The following DAPK2 variants were observed in gnomAD, a reference collection of about 807,000 sequenced individuals.
DAPK2 encodes the protein death associated protein kinase 2, also known as death-associated protein kinase 2.
In DAPK2, 35 loss-of-function variants were observed where a neutral mutation model predicts 44.1. The observed-to-expected ratio is 0.79, with a 90% CI of 0.61 to 1.05. The LOEUF (loss-of-function observed/expected upper bound fraction) is 1.05, where lower values mean the gene tolerates loss of function less well. Among genes scored for constraint, DAPK2 ranks in the 50% least tolerant of loss-of-function variants. The pLI is 0.00. For missense variants in DAPK2, 453 were observed against 483.2 expected (o/e 0.94, Z 0.59); for synonymous variants, 174 against 182.6 (o/e 0.95, Z 0.38).
chr15:63,975,455 A>G (rs1454798496), intron 2 of DAPK2, among the ~76,000 whole-genome samples: 1 of 152,076 alleles, frequency 6.6e-6, no homozygotes, highest in East Asian at 1.9e-4. Context: ...ACATTTTTCT[A>G]TTTCACACTT....
At chr15:63,992,776 C>T (rs1324388919) in intron 1 of DAPK2, among the ~76,000 whole-genome samples, 1 of 152,212 alleles carries the variant, frequency 6.6e-6, no homozygotes, top group Non-Finnish European at 1.5e-5. Flanking sequence ...TCAGTTGGGT[C>T]AGGCACCCTT....
At chr15:63,974,815 C>A (rs1232008744) in intron 2 of DAPK2, among the ~76,000 whole-genome samples, 1 of 152,142 alleles carries the variant, frequency 6.6e-6, no homozygotes, top group African/African-American at 2.4e-5. Flanking sequence ...TAAAATACTT[C>A]TATTTCTTTC....
intron 1 of DAPK2, chr15:63,991,233 C>A (rs1475250021): frequency 6.6e-6 from 3 of 456,114 alleles, no homozygotes; most frequent in Non-Finnish European, 1.3e-5. Flanking sequence ...TTTACCAAAG[C>A]CAGGTGGGCA....
chr15:64,024,789 A>C (rs1272229702), intron 1 of DAPK2, among the ~76,000 whole-genome samples: 2 of 152,202 alleles, frequency 1.3e-5, no homozygotes, highest in Non-Finnish European at 1.5e-5. Flanking sequence ...CTGAGCAGTC[A>C]AGTTCAACTA....
intron 1 of DAPK2, among the ~76,000 whole-genome samples, chr15:64,034,838 GA>G (rs2141172200): frequency 6.6e-6 from 1 of 152,300 alleles, no homozygotes; most frequent in East Asian, 1.9e-4. Flanking sequence ...CAGCTCAACA[GA>G]AACATCTTAT....
At chr15:63,942,029 C>A (rs570138580) in intron 3 of DAPK2, among the ~76,000 whole-genome samples, 1 of 152,212 alleles carries the variant, frequency 6.6e-6, no homozygotes, top group Non-Finnish European at 1.5e-5. Flanking sequence ...AGGGCCATGG[C>A]CCAGCCCTCC....
At chr15:63,925,873 A>T in intron 7 of DAPK2, 68 bp downstream of exon 8, 2 of 1,590,614 alleles carry the variant, frequency 1.3e-6, no homozygotes, top group Non-Finnish European at 1.7e-6. Flanking sequence ...ACATACTGAC[A>T]GGTCTTTGAC....
At chr15:63,993,863 G>C (rs1438634537) in intron 1 of DAPK2, among the ~76,000 whole-genome samples, 1 of 151,998 alleles carries the variant, frequency 6.6e-6, no homozygotes, top group African/African-American at 2.4e-5. Context: ...TGTATCACAG[G>C]TATCATATGT....
intron 1 of DAPK2, among the ~76,000 whole-genome samples, chr15:63,984,550 G>C (rs957144135): frequency 2.6e-5 from 4 of 152,142 alleles, no homozygotes; most frequent in African/African-American, 9.7e-5. Flanking sequence ...CCAACCACCT[G>C]CTTCTGCACC....
chr15:63,907,583 C>T (rs1286700174), exon 11 of DAPK2: 2 of 152,194 alleles, frequency 1.3e-5, no homozygotes, highest in Non-Finnish European at 2.9e-5. Context: ...CTACACCTGG[C>T]TAATTTTTTG....
exon 11 of DAPK2, chr15:63,907,333 A>T (rs1415497954): frequency 6.6e-6 from 1 of 152,164 alleles, no homozygotes; most frequent in East Asian, 1.9e-4. Context: ...TAAGACTTCA[A>T]CATAGAAATT....
At chr15:63,979,713 G>A (rs2078449981) in intron 2 of DAPK2, among the ~76,000 whole-genome samples, 1 of 152,058 alleles carries the variant, frequency 6.6e-6, no homozygotes, top group Non-Finnish European at 1.5e-5. Flanking sequence ...AGGAGTTCAA[G>A]ACCAGTCTGG....
At chr15:64,009,243 T>A (rs1365941431) in intron 1 of DAPK2, among the ~76,000 whole-genome samples, 6 of 152,138 alleles carry the variant, frequency 3.9e-5, no homozygotes, top group Non-Finnish European at 8.8e-5. Context: ...GGCTAGTATC[T>A]CTTCATTACC....
intron 1 of DAPK2, among the ~76,000 whole-genome samples, chr15:64,014,371 TG>T (rs1229577136): frequency 6.6e-6 from 1 of 152,258 alleles, no homozygotes; most frequent in Admixed American, 6.5e-5. Context: ...AAAGGACCTT[TG>T]ATAGTATCCG....
intron 1 of DAPK2, among the ~76,000 whole-genome samples, chr15:64,028,494 C>T (rs1261952351): frequency 1.3e-5 from 2 of 152,150 alleles, no homozygotes; most frequent in African/African-American, 2.4e-5. Context: ...CTGTGTCTTT[C>T]ACTGTAGGGA....
At position 63,990,058 on chromosome 15, in the gene DAPK2, G is replaced by T. The variant is rs796997858; in HGVS notation, c.93-6304C>A. Among the ~76,000 whole-genome samples the T allele has an allele frequency of 7.2e-5, 11 of 152,084 alleles. No homozygotes were observed. Among genetic ancestry groups the T allele is most frequent in the African/African-American group, 2.7e-4 (11 of 41,404 alleles). ...CGGCCTGCATCAAGGTAGACCACTC[G>T]CACTGCCACCCACCCTCACCCTCTG... is the stretch of plus-strand genomic sequence containing the variant. On this transcript the variant is annotated intron_variant, in intron 1 of 10. Transcript: ENST00000261891. The surrounding 1 kb of genome is among the most constrained non-coding windows in gnomAD (Gnocchi z 4.3).
intron 3 of DAPK2, 123 bp downstream of exon 4, chr15:63,971,300 T>C (rs1367096808): frequency 4.1e-6 from 5 of 1,225,196 alleles, no homozygotes; most frequent in Non-Finnish European, 4.6e-6. Context: ...GAGCTCAGGG[T>C]TTTTCACTGT....
At position 63,912,188 on chromosome 15, in the gene DAPK2, T is replaced by A; in HGVS notation, c.868A>T (p.Asn290Tyr). The A allele has an allele frequency of 6.2e-7, 1 of 1,614,070 alleles. No individual in the cohort carries two copies. Among genetic ancestry groups the A allele is most frequent in the East Asian group, 2.2e-5 (1 of 44,872 alleles). Residue 290 changes from asparagine to tyrosine, a missense_variant, in exon 9 of 11, where the codon AAC becomes TAC. Coordinates refer to ENST00000261891, the Ensembl canonical transcript of DAPK2. The surrounding 1 kb of genome is among the most constrained non-coding windows in gnomAD (Gnocchi z 4.4). ...TCCCTGCGCACCATGGCTTGCTGGT[T>A]GTCCACCGGCTGAGAGACAAAGCAG...
chr15:63,944,137 C>T (rs79634327), intron 3 of DAPK2, among the ~76,000 whole-genome samples: 5,707 of 152,186 alleles, frequency 0.038, 132 homozygotes, highest in South Asian at 0.094. Context: ...AGGGCGAACA[C>T]CCAAGCTGGG....
Sources: gnomAD v4.1 joint callset for allele counts (sites outside exome capture counted in the v4.1 genomes callset) on GRCh38, gnomAD v4.1.1 for gene constraint, Gnocchi (gnomAD v3.1) non-coding constraint, MANE v1.5 for transcripts, NCBI Gene and HGNC (gene_info 2026-07-23, HGNC 2026-07-21) for gene names.